CPNE4: variants seen among roughly 807,000 people sequenced by gnomAD.
CPNE4 encodes the protein copine 4.
In CPNE4, 25 loss-of-function variants were observed where a neutral mutation model predicts 67.9. That is an observed-to-expected ratio of 0.37 (90% CI 0.27 to 0.51). The LOEUF is 0.51. Among genes scored for constraint, CPNE4 ranks in the 20% least tolerant of loss-of-function variants. CPNE4 has a pLI of 0.93. For synonymous variants in CPNE4, 242 were observed against 244.9 expected (o/e 0.99, Z 0.11); for missense variants, 464 against 690.8 (o/e 0.67, Z 3.68).
intron 1 of CPNE4, among the ~76,000 whole-genome samples, chr3:131,922,948 A>C (rs543919092): frequency 6.6e-6 from 1 of 152,286 alleles, no homozygotes; most frequent in East Asian, 1.9e-4. Flanking sequence ...TTTAAAGATA[A>C]ATAATTATTA....
intron 3 of CPNE4, among the ~76,000 whole-genome samples, chr3:131,715,969 G>GT (rs769301875): frequency 6.6e-6 from 1 of 152,120 alleles, no homozygotes; most frequent in Non-Finnish European, 1.5e-5. Context: ...AGTACCCTAT[G>GT]TCCTCGTGAT....
intron 1 of CPNE4, among the ~76,000 whole-genome samples, chr3:132,013,560 A>T (rs903172516): frequency 6.6e-6 from 1 of 152,244 alleles, no homozygotes; most frequent in Non-Finnish European, 1.5e-5. Context: ...AAAAATGTTC[A>T]GTTCCCCAGA....
At chr3:131,645,031 G>T (rs556266549) in intron 7 of CPNE4, among the ~76,000 whole-genome samples, 147 of 152,326 alleles carry the variant, frequency 9.7e-4, no homozygotes, top group Admixed American at 1.9e-3. Context: ...GATGCTGGAG[G>T]TTCCAAACCA....
chr3:131,904,936 C>A (rs1437664433), intron 2 of CPNE4, among the ~76,000 whole-genome samples: 1 of 152,096 alleles, frequency 6.6e-6, no homozygotes, highest in Non-Finnish European at 1.5e-5. Context: ...CCGGCCCAGT[C>A]TGGGGTCTGG....
chr3:132,034,809 A>AT lies in CPNE4; in HGVS notation c.-245dup, dbSNP rs2074312037. 1 of 984,960 alleles carries AT rather than the reference A, an allele frequency of 1.0e-6. No individual in the cohort carries two copies. The highest frequency in any genetic ancestry group is 1.2e-6 in the Non-Finnish European group (1 of 830,004). The allele number at this position is 984,960 out of a possible 1,614,324, so 61.0% of individuals were successfully genotyped here. ...GGAAACCCTGACTCCATTCTCGGTGATGGGGGTGGGGGAAGAGGGTGAAAA... is the reference window on the plus strand; with the variant it reads ...GGAAACCCTGACTCCATTCTCGGTGATTGGGGGTGGGGGAAGAGGGTGAAAA... On this transcript the variant is annotated 5_prime_UTR_variant, in exon 1 of 16. Coordinates refer to ENST00000429747, the MANE Select transcript of CPNE4 (RefSeq NM_130808.3).
At chr3:131,978,661 A>G (rs1315155763) in intron 1 of CPNE4, among the ~76,000 whole-genome samples, 4 of 143,124 alleles carry the variant, frequency 2.8e-5, no homozygotes, top group Admixed American at 7.5e-5. Context: ...TGTTTCATTT[A>G]CCTTTTGTAT....
intron 2 of CPNE4, among the ~76,000 whole-genome samples, chr3:131,776,628 G>A: frequency 6.6e-6 from 1 of 152,106 alleles, no homozygotes; most frequent in Non-Finnish European, 1.5e-5. Flanking sequence ...TAAAGCAGAT[G>A]ACAATTTGGG....
intron 7 of CPNE4, among the ~76,000 whole-genome samples, chr3:131,626,205 A>C (rs2079069148): frequency 6.6e-6 from 1 of 152,190 alleles, no homozygotes; most frequent in Admixed American, 6.5e-5. Flanking sequence ...ATGTTCAAGA[A>C]AGGAAGAGTC....
intron 2 of CPNE4, among the ~76,000 whole-genome samples, chr3:131,807,563 G>T (rs1482418313): frequency 6.6e-6 from 1 of 151,970 alleles, no homozygotes; most frequent in Non-Finnish European, 1.5e-5. Flanking sequence ...TAACCTCCAT[G>T]TAAACATGTA....
At chr3:131,939,338 T>C (rs766165993) in intron 1 of CPNE4, among the ~76,000 whole-genome samples, 2 of 147,010 alleles carry the variant, frequency 1.4e-5, no homozygotes, top group African/African-American at 2.5e-5. Context: ...GGATGTATTA[T>C]TGGTAAGTGA....
At chr3:132,029,313 GT>G (rs1173491609) in intron 1 of CPNE4, among the ~76,000 whole-genome samples, 2 of 152,144 alleles carry the variant, frequency 1.3e-5, no homozygotes, top group Non-Finnish European at 2.9e-5. Context: ...AAAACCTTTT[GT>G]CCCCTCTCCG....
chr3:131,621,314 G>C (rs1394223801), intron 7 of CPNE4, among the ~76,000 whole-genome samples: 1 of 152,076 alleles, frequency 6.6e-6, no homozygotes, highest in Non-Finnish European at 1.5e-5. Context: ...CCACAGTCAT[G>C]GTTCACTGCA....
At chr3:131,803,315 G>A (rs1208548047) in intron 2 of CPNE4, among the ~76,000 whole-genome samples, 1 of 152,148 alleles carries the variant, frequency 6.6e-6, no homozygotes, top group Non-Finnish European at 1.5e-5. Flanking sequence ...CAGAAAACAG[G>A]AAATGCTAAC....
chr3:131,944,941 T>C (rs1019639665), intron 1 of CPNE4, among the ~76,000 whole-genome samples: 1 of 152,134 alleles, frequency 6.6e-6, no homozygotes, highest in African/African-American at 2.4e-5. Flanking sequence ...CATGAACAGC[T>C]TTATAGAATA....
At chr3:131,867,197 G>A (rs983680438) in intron 2 of CPNE4, among the ~76,000 whole-genome samples, 1 of 152,160 alleles carries the variant, frequency 6.6e-6, no homozygotes, top group Non-Finnish European at 1.5e-5. Context: ...CTAATGTGGG[G>A]AAAGAGGTGT....
chr3:131,812,220 GAAA>G (rs34281349), intron 2 of CPNE4, among the ~76,000 whole-genome samples: 20 of 135,126 alleles, frequency 1.5e-4, no homozygotes, highest in African/African-American at 4.1e-4. Context: ...AAAATTGGAA[GAAA>G]AAAAAAAAAA....
intron 3 of CPNE4, among the ~76,000 whole-genome samples, chr3:131,706,921 C>T (rs755134961): frequency 3.3e-5 from 5 of 152,158 alleles, no homozygotes; most frequent in Non-Finnish European, 7.3e-5. Flanking sequence ...CTCACCTTTC[C>T]AGACTGAACC....
rs547072620 is a variant in CPNE4, at chr3:131,804,695, G to C, written c.181-81070C>G. Among the ~76,000 whole-genome samples, 5 of 152,280 alleles carry C rather than the reference G, an allele frequency of 3.3e-5. No individual in the cohort carries two copies. In the East Asian group the frequency reaches 7.7e-4, roughly 24 times the overall value. The stretch of plus-strand genomic sequence containing the variant: ...AATGGGATGTGGTAGAAGTGGCAGC[G>C]TGCCTGTTCTAAACCAAGGCCAGAA... On this transcript the variant is annotated intron_variant, in intron 2 of 15. Transcript: ENST00000429747.
intron 1 of CPNE4, among the ~76,000 whole-genome samples, chr3:131,912,655 C>T (rs780367772): frequency 6.6e-5 from 10 of 152,088 alleles, no homozygotes; most frequent in Non-Finnish European, 1.2e-4. Flanking sequence ...TTCCTTAGAT[C>T]AAGAGGAGAT....
Sources: allele counts gnomAD v4.1 joint callset (sites outside exome capture counted in the v4.1 genomes callset), GRCh38; gene constraint gnomAD v4.1.1; transcripts MANE v1.5; gene names NCBI Gene and HGNC (gene_info 2026-07-23, HGNC 2026-07-21).